BANP: variants seen among roughly 807,000 people sequenced by gnomAD.
BANP encodes the protein protein BANP.
A neutral mutation model predicts 68.1 loss-of-function variants in BANP; 11 were observed. The ratio of observed to expected loss-of-function variants is 0.16; its 90% CI spans 0.10 to 0.27. The LOEUF (loss-of-function observed/expected upper bound fraction) is 0.27. Among genes scored for constraint, BANP ranks in the 10% least tolerant of loss-of-function variants. The pLI, the probability that BANP is intolerant of heterozygous loss-of-function variation, is 1.00. For missense variants in BANP, 504 were observed against 722.7 expected (o/e 0.70, Z 3.47); for synonymous variants, 329 against 303.2 (o/e 1.09, Z -0.88).
chr16:88,035,991 G>A (rs982427344), intron 10 of BANP, among the ~76,000 whole-genome samples: 6 of 152,236 alleles, frequency 3.9e-5, no homozygotes, highest in Admixed American at 2.6e-4. Context: ...GGTCTGGAAT[G>A]TGAAGGCGGC....
rs753879879 is a variant in BANP at position 87,957,738 on chromosome 16, G to A, written c.-69+6223G>A. Among the ~76,000 whole-genome samples the A allele has an allele frequency of 4.6e-5, 7 of 152,248 alleles. No homozygotes were observed. Among genetic ancestry groups the A allele is most frequent in the East Asian group, 1.9e-4 (1 of 5,206 alleles). On this transcript the variant is annotated intron_variant, in intron 1 of 13. Transcript: ENST00000682872. This position sits in a 1 kb window ranked among gnomAD's most constrained non-coding sequence, Gnocchi z 4.3. ...GGTGCGCGCTTGGCATTTCCTTGCC[G>A]GTGTGAATGCGCTTCCCGTAAATAT...
chr16:87,981,391 C>G (rs2063243127), intron 3 of BANP, among the ~76,000 whole-genome samples: 1 of 152,224 alleles, frequency 6.6e-6, no homozygotes, highest in South Asian at 2.1e-4. Context: ...CTTCATGTTG[C>G]GGCCGCCTCT....
chr16:87,992,105 A>G (rs2032873309), intron 4 of BANP, among the ~76,000 whole-genome samples: 1 of 152,198 alleles, frequency 6.6e-6, no homozygotes, highest in South Asian at 2.1e-4. Context: ...CCTTTTCTGT[A>G]TCTTCCGAGA....
chr16:88,067,668 C>T (rs78206394), intron 12 of BANP, among the ~76,000 whole-genome samples: 14,468 of 152,210 alleles, frequency 0.095, 898 homozygotes, highest in Non-Finnish European at 0.14. Context: ...CCCAGCCCCC[C>T]CTGCACCCCA....
At chr16:87,977,746 G>C (rs1598011948) in intron 2 of BANP, among the ~76,000 whole-genome samples, 1 of 152,126 alleles carries the variant, frequency 6.6e-6, no homozygotes, top group South Asian at 2.1e-4. Flanking sequence ...ATCTGACTTG[G>C]CGTGTACCAA....
chr16:88,069,982 T>C (rs530826168), intron 12 of BANP, among the ~76,000 whole-genome samples: 1 of 152,316 alleles, frequency 6.6e-6, no homozygotes, highest in East Asian at 1.9e-4. Flanking sequence ...CCAGTCAGCA[T>C]GCGGACGGTG....
chr16:88,033,720 A>G (rs554483927), intron 9 of BANP, among the ~76,000 whole-genome samples: 2 of 152,194 alleles, frequency 1.3e-5, no homozygotes, highest in Non-Finnish European at 2.9e-5. Flanking sequence ...CAGCACACCC[A>G]GGTTGGGCGG....
intron 1 of BANP, among the ~76,000 whole-genome samples, chr16:87,965,770 T>C (rs1165745857): frequency 6.6e-6 from 1 of 152,204 alleles, no homozygotes; most frequent in African/African-American, 2.4e-5. Flanking sequence ...CTGTAAAGTT[T>C]ATCAAGATTT....
At chr16:88,038,785 CT>C (rs1393369621) in intron 11 of BANP, among the ~76,000 whole-genome samples, 2 of 152,174 alleles carry the variant, frequency 1.3e-5, no homozygotes, top group Non-Finnish European at 2.9e-5. Flanking sequence ...GGTGAAGACC[CT>C]TTCTGTTCAG....
chr16:87,954,019 C>T (rs1048899860), intron 1 of BANP, among the ~76,000 whole-genome samples: 4 of 152,098 alleles, frequency 2.6e-5, no homozygotes, highest in East Asian at 1.9e-4. Context: ...TGGATTCCTA[C>T]GCCGGGGACT....
chr16:88,067,380 G>C (rs1047815034), intron 12 of BANP, among the ~76,000 whole-genome samples: 1 of 152,032 alleles, frequency 6.6e-6, no homozygotes, highest in African/African-American at 2.4e-5. Context: ...CCACATCTGC[G>C]CCGGGGCCTC....
chr16:87,980,964 C>T lies in BANP; in HGVS notation c.71-72C>T, dbSNP rs952103252. On this transcript the variant is annotated intron_variant, in intron 2 of 13. Coordinates refer to ENST00000682872, the MANE Select transcript of BANP (RefSeq NM_001386991.1). ...AACCTTAAGGTGTCAGCACTGTTTACTATCTTAATGTTAAAATAATTCTGT... is the reference window on the plus strand; with the variant it reads ...AACCTTAAGGTGTCAGCACTGTTTATTATCTTAATGTTAAAATAATTCTGT... 35 of 1,044,702 alleles carry T rather than the reference C, an allele frequency of 3.4e-5. No homozygotes were observed. The African/African-American group carries it at 5.2e-4, about 16-fold the overall frequency. 64.7% of individuals were successfully genotyped at this position (1,044,702 alleles called of 1,614,324 possible).
At chr16:88,045,134 G>A (rs542598824) in intron 11 of BANP, among the ~76,000 whole-genome samples, 16 of 152,060 alleles carry the variant, frequency 1.1e-4, no homozygotes, top group Middle Eastern at 3.4e-3. Flanking sequence ...AAATGTGCTA[G>A]TTAAAAAATG....
chr16:87,967,622 A>ATTTTT lies in BANP; in HGVS notation c.-68-7413_-68-7409dup, dbSNP rs375783410. On this transcript the variant is annotated intron_variant, in intron 1 of 13. Coordinates refer to ENST00000682872, the MANE Select transcript of BANP (RefSeq NM_001386991.1). ...AGGCATGCCCCACCACACCCAGTTA[A>ATTTTT]TTTTTTTTTTTTTTTTTGAGATGGA... is the stretch of plus-strand genomic sequence containing the variant. Among the ~76,000 whole-genome samples the ATTTTT allele has an allele frequency of 5.9e-3, 706 of 120,544 alleles. 22 individuals are homozygous for ATTTTT. Among genetic ancestry groups the ATTTTT allele is most frequent in the Admixed American group, 8.0e-3 (89 of 11,140 alleles). The allele number at this position is 120,544 out of a possible 152,430, so 79.1% of individuals were successfully genotyped here.
At chr16:88,072,289 C>T (rs1661352250) in intron 13 of BANP, 77 bp downstream of exon 13, 2 of 1,498,346 alleles carry the variant, frequency 1.3e-6, no homozygotes, top group Non-Finnish European at 1.8e-6. Context: ...ACACGTGGCC[C>T]CGGGGCTTTC....
rs879259972 is a variant in BANP at position 88,057,763 on chromosome 16, G to C, written c.1312-7504G>C. Among the ~76,000 whole-genome samples, 31 of 144,584 alleles carry C rather than the reference G, an allele frequency of 2.1e-4. No individual in the cohort carries two copies. In the South Asian group the frequency reaches 5.1e-3, roughly 24 times the overall value. 94.9% of individuals were successfully genotyped at this position (144,584 alleles called of 152,430 possible). On this transcript the variant is annotated intron_variant, in intron 11 of 13. Transcript: ENST00000682872. This position sits in a 1 kb window ranked among gnomAD's most constrained non-coding sequence, Gnocchi z 4.6. ...GGCCATCTGGGTGGGGCGGGGGGGGGGGTGCGTGCAGTGACTCGCGCTGGC... is the reference window on the plus strand; with the variant it reads ...GGCCATCTGGGTGGGGCGGGGGGGGCGGTGCGTGCAGTGACTCGCGCTGGC...
intron 2 of BANP, among the ~76,000 whole-genome samples, chr16:87,975,723 A>G (rs1217692174): frequency 6.9e-6 from 1 of 143,992 alleles, no homozygotes; most frequent in Non-Finnish European, 1.5e-5. Flanking sequence ...GCGTGGCGTC[A>G]TGGAACCTTC....
intron 4 of BANP, 65 bp downstream of exon 4, chr16:87,984,324 C>G (rs2063860558): frequency 1.4e-6 from 2 of 1,390,930 alleles, no homozygotes; most frequent in Admixed American, 4.6e-5. Context: ...ACCTCCTCGC[C>G]CAGGCCCGCA....
chr16:88,039,889 G>A (rs141557979), intron 11 of BANP, among the ~76,000 whole-genome samples: 21 of 152,306 alleles, frequency 1.4e-4, no homozygotes, highest in African/African-American at 3.8e-4. Flanking sequence ...CGGGTCTTCC[G>A]TGGCCCCTCT....
Sources: gnomAD v4.1 joint callset for allele counts (sites outside exome capture counted in the v4.1 genomes callset) on GRCh38, gnomAD v4.1.1 for gene constraint, Gnocchi (gnomAD v3.1) non-coding constraint, MANE v1.5 for transcripts, NCBI Gene and HGNC (gene_info 2026-07-23, HGNC 2026-07-21) for gene names.